The following RALYL variants were observed in gnomAD, a reference collection of about 807,000 sequenced individuals.
RALYL encodes RNA-binding Raly-like protein.
RALYL carries 29 observed loss-of-function variants against 35.1 expected under a neutral mutation model. That is an observed-to-expected ratio of 0.83 (90% CI 0.61 to 1.13). RALYL has a LOEUF of 1.13. Ranked by LOEUF, RALYL falls within the 50% of genes most tolerant of loss-of-function variation. The pLI, the probability that RALYL is intolerant of heterozygous loss-of-function variation, is 0.00. For missense variants in RALYL, 359 were observed against 360.4 expected (o/e 1.00, Z 0.03); for synonymous variants, 120 against 127.6 (o/e 0.94, Z 0.40).
chr8:84,253,978 A>AT (rs1563616296), intron 1 of RALYL, among the ~76,000 whole-genome samples: 2 of 152,246 alleles, frequency 1.3e-5, no homozygotes, highest in East Asian at 3.9e-4. Context: ...TATTTCTCAT[A>AT]TTTTTGTAAA....
At chr8:84,371,893 C>G (rs1855805399) in intron 1 of RALYL, among the ~76,000 whole-genome samples, 1 of 152,142 alleles carries the variant, frequency 6.6e-6, no homozygotes, top group Non-Finnish European at 1.5e-5. Context: ...AACACACATG[C>G]AGTCAGTGAG....
At chr8:84,626,181 A>C (rs1480798774) in intron 2 of RALYL, among the ~76,000 whole-genome samples, 1 of 152,298 alleles carries the variant, frequency 6.6e-6, no homozygotes, top group East Asian at 1.9e-4. Context: ...TTTGTAATTT[A>C]CTAAGTTAGA....
At chr8:84,302,685 A>G (rs960364688) in intron 1 of RALYL, among the ~76,000 whole-genome samples, 1 of 152,154 alleles carries the variant, frequency 6.6e-6, no homozygotes, top group Non-Finnish European at 1.5e-5. Context: ...ACAGATTTGC[A>G]TTTTTATGAA....
chr8:84,470,705 A>G (rs1005558269), intron 1 of RALYL, among the ~76,000 whole-genome samples: 2 of 152,190 alleles, frequency 1.3e-5, no homozygotes, highest in Admixed American at 6.5e-5. Flanking sequence ...ATATGCCAGC[A>G]GTGTGTCAGC....
chr8:84,291,966 G>A (rs920857657), intron 1 of RALYL, among the ~76,000 whole-genome samples: 1 of 149,856 alleles, frequency 6.7e-6, no homozygotes, highest in Non-Finnish European at 1.5e-5. Flanking sequence ...CATGCATTAG[G>A]AATATATATT....
At chr8:84,427,357 A>G (rs1013676234) in intron 1 of RALYL, among the ~76,000 whole-genome samples, 1 of 152,062 alleles carries the variant, frequency 6.6e-6, no homozygotes, top group Non-Finnish European at 1.5e-5. Context: ...GGCCTTTCTC[A>G]TTAGTGATTG....
intron 2 of RALYL, among the ~76,000 whole-genome samples, chr8:84,694,209 T>C (rs1306967099): frequency 6.6e-6 from 1 of 151,864 alleles, no homozygotes; most frequent in Non-Finnish European, 1.5e-5. Context: ...AGAGAAATCC[T>C]AAAGACTCCA....
At chr8:84,766,530 AAAAT>A (rs10695999) in intron 2 of RALYL, among the ~76,000 whole-genome samples, 20,120 of 124,854 alleles carry the variant, frequency 0.16, 1,693 homozygotes, top group African/African-American at 0.19. Flanking sequence ...CATCTCTACT[AAAAT>A]AAATAAATAA....
chr8:84,388,243 T>A (rs1436487182), intron 1 of RALYL, among the ~76,000 whole-genome samples: 3 of 152,304 alleles, frequency 2.0e-5, no homozygotes, highest in East Asian at 3.9e-4. Context: ...AGTCTATCAT[T>A]GTTGGACATT....
intron 2 of RALYL, among the ~76,000 whole-genome samples, chr8:84,738,819 G>T (rs982242840): frequency 6.6e-6 from 1 of 151,972 alleles, no homozygotes; most frequent in African/African-American, 2.4e-5. Flanking sequence ...AACCGTAACT[G>T]CCCGAACCTA....
chr8:84,330,402 A>C (rs1181499361), intron 1 of RALYL, among the ~76,000 whole-genome samples: 2 of 152,018 alleles, frequency 1.3e-5, no homozygotes, highest in African/African-American at 4.8e-5. Flanking sequence ...GAAATGGTAG[A>C]TCAAGGGCAT....
At chr8:84,229,042 T>C (rs184959251) in intron 1 of RALYL, among the ~76,000 whole-genome samples, 237 of 152,334 alleles carry the variant, frequency 1.6e-3, no homozygotes, top group African/African-American at 5.5e-3. Context: ...TTCTGCACCA[T>C]TGCCATACTC....
At chr8:84,353,825 T>C (rs1280225330) in intron 1 of RALYL, among the ~76,000 whole-genome samples, 1 of 150,170 alleles carries the variant, frequency 6.7e-6, no homozygotes, top group Admixed American at 6.6e-5. Flanking sequence ...AAAATATAAA[T>C]ATTTTTGTCT....
rs191521354 is a variant in RALYL, at chr8:84,862,254, G to A, written c.414-42G>A. On this transcript the variant is annotated intron_variant, in intron 5 of 8. Transcript: ENST00000521268. Reference sequence around the variant, plus strand: ...ATTTCACATATTTGATAGAACTCTCGGGCATCAAACCAACTCTCAGTCCCA... The same window carrying A: ...ATTTCACATATTTGATAGAACTCTCAGGCATCAAACCAACTCTCAGTCCCA... 232 of 1,404,168 alleles carry A rather than the reference G, an allele frequency of 1.7e-4. No individual in the cohort carries two copies. The East Asian group carries it at 4.8e-3, about 29-fold the overall frequency. 87.0% of individuals were successfully genotyped at this position (1,404,168 alleles called of 1,614,324 possible).
At chr8:84,238,344 C>T (rs1193683638) in intron 1 of RALYL, among the ~76,000 whole-genome samples, 1 of 151,668 alleles carries the variant, frequency 6.6e-6, no homozygotes, top group African/African-American at 2.4e-5. Flanking sequence ...GATATCTGTC[C>T]ATACATATAT....
intron 2 of RALYL, among the ~76,000 whole-genome samples, chr8:84,669,061 C>T (rs943161295): frequency 6.6e-6 from 1 of 151,980 alleles, no homozygotes; most frequent in East Asian, 1.9e-4. Context: ...ATGTGTCTTG[C>T]AAGAAACACA....
At chr8:84,556,974 T>C (rs1029076412) in intron 2 of RALYL, among the ~76,000 whole-genome samples, 5 of 152,184 alleles carry the variant, frequency 3.3e-5, no homozygotes, top group African/African-American at 1.2e-4. Context: ...TAGCATAATT[T>C]AGAGAAAGCT....
intron 1 of RALYL, among the ~76,000 whole-genome samples, chr8:84,300,711 A>C (rs1464083999): frequency 1.3e-5 from 2 of 151,878 alleles, no homozygotes; most frequent in Non-Finnish European, 2.9e-5. Context: ...CATTGTTTGA[A>C]AGTCTGTTTT....
At chr8:84,214,935 T>G (rs1820418130) in intron 1 of RALYL, among the ~76,000 whole-genome samples, 3 of 152,000 alleles carry the variant, frequency 2.0e-5, no homozygotes, top group African/African-American at 7.2e-5. Flanking sequence ...AGACGGAGTC[T>G]CACTCTGTCA....
Sources: allele counts gnomAD v4.1 joint callset (sites outside exome capture counted in the v4.1 genomes callset), GRCh38; gene constraint gnomAD v4.1.1; transcripts MANE v1.5; gene names NCBI Gene and HGNC (gene_info 2026-07-23, HGNC 2026-07-21).